Variants in APBB2 observed in about 807,000 individuals in gnomAD.
The protein encoded by APBB2 is Fe65-like 1.
Under a neutral mutation model 82.5 loss-of-function variants are expected in APBB2, and 38 were observed. The ratio of observed to expected loss-of-function variants is 0.46; its 90% CI spans 0.36 to 0.60. The LOEUF (loss-of-function observed/expected upper bound fraction) is 0.60. Ranked by LOEUF, APBB2 falls within the 20% of genes least tolerant of loss-of-function variation. The pLI is 0.00. For missense variants in APBB2, 772 were observed against 972.3 expected (o/e 0.79, Z 2.74); for synonymous variants, 341 against 368.2 (o/e 0.93, Z 0.85).
At chr4:41,160,679 C>T (rs1012861620) in intron 1 of APBB2, among the ~76,000 whole-genome samples, 2 of 152,182 alleles carry the variant, frequency 1.3e-5, no homozygotes, top group Non-Finnish European at 2.9e-5. Flanking sequence ...CACCCTCTTT[C>T]ATCTCACATT....
intron 3 of APBB2, among the ~76,000 whole-genome samples, chr4:41,079,837 G>A (rs530513333): frequency 8.5e-5 from 13 of 152,196 alleles, no homozygotes; most frequent in South Asian, 6.2e-4. Flanking sequence ...GTAAACCACC[G>A]CGACCGGCCA....
chr4:41,055,103 C>A (rs771873249), intron 4 of APBB2, among the ~76,000 whole-genome samples: 1 of 152,216 alleles, frequency 6.6e-6, no homozygotes, highest in Non-Finnish European at 1.5e-5. Context: ...TGGCTCCTTG[C>A]CATTCCTTAA....
intron 2 of APBB2, among the ~76,000 whole-genome samples, chr4:41,117,772 C>T (rs949321097): frequency 7.2e-5 from 11 of 152,152 alleles, no homozygotes; most frequent in African/African-American, 2.7e-4. Context: ...TCCTTCCCTA[C>T]TCTATTATAC....
intron 10 of APBB2, among the ~76,000 whole-genome samples, chr4:40,922,703 C>G (rs908499668): frequency 2.0e-5 from 3 of 152,112 alleles, no homozygotes; most frequent in Non-Finnish European, 4.4e-5. Flanking sequence ...CTCTGCCTCC[C>G]AGGCTCAAGT....
chr4:41,013,354 A>G (rs1389898314), intron 6 of APBB2, among the ~76,000 whole-genome samples: 1 of 152,192 alleles, frequency 6.6e-6, no homozygotes, highest in East Asian at 1.9e-4. Flanking sequence ...TTTTACAAAA[A>G]TGCTTCCCAG....
At chr4:40,856,902 C>T in intron 12 of APBB2, 1 of 966,978 alleles carries the variant, frequency 1.0e-6, no homozygotes, top group South Asian at 4.8e-5. Context: ...GAGGGCGCAG[C>T]CTTTGTCCCG....
intron 10 of APBB2, among the ~76,000 whole-genome samples, chr4:40,928,765 A>G (rs1411225908): frequency 1.3e-5 from 2 of 150,552 alleles, no homozygotes; most frequent in East Asian, 3.9e-4. Flanking sequence ...TACACCTCTA[A>G]TCCCAGCTAC....
At chr4:41,086,448 T>C (rs796957414) in intron 3 of APBB2, among the ~76,000 whole-genome samples, 3 of 152,284 alleles carry the variant, frequency 2.0e-5, no homozygotes, top group Middle Eastern at 3.4e-3. Flanking sequence ...CAACAGCTTA[T>C]TGAAAGGATT....
intron 3 of APBB2, among the ~76,000 whole-genome samples, chr4:41,069,361 G>T (rs1733049648): frequency 1.3e-5 from 2 of 152,134 alleles, no homozygotes; most frequent in Non-Finnish European, 2.9e-5. Context: ...TTTATACTTG[G>T]AAAGTATCCC....
At chr4:41,094,922 C>T (rs73810826) in intron 3 of APBB2, among the ~76,000 whole-genome samples, 1,796 of 152,072 alleles carry the variant, frequency 0.012, 29 homozygotes, top group African/African-American at 0.041. Flanking sequence ...CAAGGTGCTA[C>T]GAAAGACAAA....
chr4:40,893,512 T>G, intron 10 of APBB2, 101 bp from the exon 11 acceptor site: 1 of 1,103,256 alleles, frequency 9.1e-7, no homozygotes, highest in Non-Finnish European at 1.2e-6. Context: ...CTACACTTAA[T>G]GCACCTTTAT....
intron 6 of APBB2, among the ~76,000 whole-genome samples, chr4:41,011,187 T>A (rs543469545): frequency 1.1e-4 from 17 of 152,164 alleles, no homozygotes; most frequent in Non-Finnish European, 1.8e-4. Context: ...ATTTTATTTT[T>A]AAATTTCTTT....
rs183017304 is a variant in APBB2 at position 41,043,492 on chromosome 4, T to C, written c.-50-10188A>G. On this transcript the variant is annotated intron_variant, in intron 4 of 17. Transcript: ENST00000508593. The stretch of plus-strand genomic sequence containing the variant: ...AAAGTTGGGAGAAAGGCAGTATGTA[T>C]AGTGTCATTCTTTCATAAAAATATT... 3.5e-4 allele frequency among the ~76,000 whole-genome samples: 54 copies of C among 152,362 alleles called. No individual in the cohort carries two copies. In the East Asian group the frequency reaches 9.8e-3, roughly 28 times the overall value.
At chr4:40,822,920 G>A (rs1748508038) in intron 16 of APBB2, among the ~76,000 whole-genome samples, 1 of 152,140 alleles carries the variant, frequency 6.6e-6, no homozygotes, top group Non-Finnish European at 1.5e-5. Flanking sequence ...TGTGGGGAAG[G>A]GCGGGACCTA....
In APBB2 at chr4:40,816,195, G is replaced by A. The variant is rs1745564714; in HGVS notation, c.2177C>T (p.Pro726Leu). The change falls in exon 18 of 18, where the codon CCA (proline) becomes CTA (leucine). Residue 726 changes from proline (P) to leucine (L), a missense_variant. Pro to Leu is a moderately conservative substitution (Grantham distance 98). Coordinates refer to ENST00000508593, the MANE Select transcript of APBB2 (RefSeq NM_004307.2). ...GACTCTTCTGGTTACTGAATCTGCT[G>A]GCGGTGGAGGTGGTCGAACTTTCTG... The part of the protein sequence containing the change: ...PSQKVRPPPP[P>L]ADSVTRRVTT... 5.6e-6 allele frequency: 9 copies of A among 1,614,222 alleles called. No individual in the cohort carries two copies. In the Middle Eastern group the frequency reaches 4.9e-4, roughly 89 times the overall value.
intron 1 of APBB2, among the ~76,000 whole-genome samples, chr4:41,188,140 T>C (rs1425069376): frequency 2.0e-5 from 3 of 152,300 alleles, no homozygotes; most frequent in Admixed American, 6.5e-5. Flanking sequence ...ATGTGGAGGT[T>C]GGCTTGTAGA....
intron 4 of APBB2, among the ~76,000 whole-genome samples, chr4:41,041,116 G>T (rs1721277168): frequency 6.6e-6 from 1 of 152,156 alleles, no homozygotes; most frequent in Non-Finnish European, 1.5e-5. Context: ...TCCTGATCTT[G>T]TGATTCCCCC....
intron 4 of APBB2, among the ~76,000 whole-genome samples, chr4:41,040,837 G>A (rs1419850174): frequency 6.6e-6 from 1 of 152,168 alleles, no homozygotes; most frequent in East Asian, 1.9e-4. Context: ...TTGCAGCTGA[G>A]AAAAGCAAAA....
chr4:40,851,738 A>T (rs139534709), intron 12 of APBB2, among the ~76,000 whole-genome samples: 1,879 of 67,604 alleles, frequency 0.028, 88 homozygotes, highest in African/African-American at 0.088. Context: ...ATATATATAT[A>T]TTTTTTTTTT....
Sources: gnomAD v4.1 joint callset for allele counts (sites outside exome capture counted in the v4.1 genomes callset) on GRCh38, gnomAD v4.1.1 for gene constraint, MANE v1.5 for transcripts, NCBI Gene and HGNC (gene_info 2026-07-23, HGNC 2026-07-21) for gene names.